The following FGF12 variants were observed in gnomAD, a reference collection of about 807,000 sequenced individuals.
The protein encoded by FGF12 is fibroblast growth factor 12.
Under a neutral mutation model 23.6 loss-of-function variants are expected in FGF12, and 14 were observed. That is an observed-to-expected ratio of 0.59 (90% CI 0.39 to 0.93). The LOEUF is 0.93. FGF12 is among the 40% of genes least tolerant of loss of function. The probability of loss-of-function intolerance (pLI) is 0.00; values close to 1 mark genes in which losing one functional copy is unlikely to be tolerated. For missense variants in FGF12, 175 were observed against 217.8 expected (o/e 0.80, Z 1.24); for synonymous variants, 62 against 77.3 (o/e 0.80, Z 1.04).
At chr3:192,224,246 G>A (rs1372344169) in intron 4 of FGF12, among the ~76,000 whole-genome samples, 4 of 152,028 alleles carry the variant, frequency 2.6e-5, no homozygotes, top group Non-Finnish European at 4.4e-5. Context: ...TGATGATAGT[G>A]GTGATGATGA....
At chr3:192,717,413 T>A (rs1176446655) in intron 2 of FGF12, among the ~76,000 whole-genome samples, 2 of 152,144 alleles carry the variant, frequency 1.3e-5, no homozygotes, top group African/African-American at 2.4e-5. Flanking sequence ...TGCCTAAACA[T>A]AGTAAAAGCT....
intron 4 of FGF12, among the ~76,000 whole-genome samples, chr3:192,250,906 A>G (rs1295684312): frequency 6.6e-6 from 1 of 152,180 alleles, no homozygotes; most frequent in Admixed American, 6.5e-5. Context: ...CCCTTCCAGA[A>G]AGAGAATAGA....
rs1353080303 is a variant in FGF12 at position 192,561,907 on chromosome 3, TAAAGAAAA to T, written c.13+165266_13+165273del. ...CATGGCAAAATAATAATAATAATAA[TAAAGAAAA>T]AAAGAAAGAAAAAAAAAAGAAAATG... On this transcript the variant is annotated intron_variant, in intron 2 of 5. Coordinates refer to ENST00000445105, the MANE Select transcript of FGF12 (RefSeq NM_004113.6). Among the ~76,000 whole-genome samples the T allele has an allele frequency of 2.9e-5, 4 of 139,422 alleles. No homozygotes were observed. The East Asian group carries it at 6.1e-4, about 21-fold the overall frequency. The allele number at this position is 139,422 out of a possible 152,430, so 91.5% of individuals were successfully genotyped here.
chr3:192,305,679 A>AATATATATATATATATAT (rs1241285508), intron 4 of FGF12, among the ~76,000 whole-genome samples: 11 of 131,924 alleles, frequency 8.3e-5, no homozygotes, highest in South Asian at 5.2e-4. Flanking sequence ...AAAAAAAAAA[A>AATATATATATATATATAT]ATATATATAT....
At chr3:192,250,304 G>T (rs2108605586) in intron 4 of FGF12, among the ~76,000 whole-genome samples, 1 of 152,222 alleles carries the variant, frequency 6.6e-6, no homozygotes, top group African/African-American at 2.4e-5. Context: ...TTAATCATTA[G>T]CTAGTTAAGT....
intron 2 of FGF12, among the ~76,000 whole-genome samples, chr3:192,423,140 G>A (rs1265303628): frequency 6.6e-6 from 1 of 152,100 alleles, no homozygotes. Flanking sequence ...ACTTAATCCT[G>A]CTTCTGAAGC....
At chr3:192,387,012 T>C (rs1720074362) in intron 2 of FGF12, among the ~76,000 whole-genome samples, 1 of 152,210 alleles carries the variant, frequency 6.6e-6, no homozygotes, top group African/African-American at 2.4e-5. Context: ...CATTGTACAA[T>C]ATAAATAACA....
At chr3:192,568,843 T>C (rs1712464369) in intron 2 of FGF12, among the ~76,000 whole-genome samples, 1 of 152,068 alleles carries the variant, frequency 6.6e-6, no homozygotes, top group Non-Finnish European at 1.5e-5. Context: ...TTTGCATACA[T>C]GAGCATAGAG....
chr3:192,415,499 G>A (rs1338544969), intron 2 of FGF12, among the ~76,000 whole-genome samples: 2 of 152,050 alleles, frequency 1.3e-5, no homozygotes, highest in Non-Finnish European at 2.9e-5. Context: ...CCAAAGTGAA[G>A]AATGGGGTAT....
chr3:192,172,773 A>C (rs1160602879), intron 4 of FGF12, among the ~76,000 whole-genome samples: 4 of 150,942 alleles, frequency 2.7e-5, no homozygotes, highest in Non-Finnish European at 5.9e-5. Flanking sequence ...CACACAATCC[A>C]AAAATTCCAC....
intron 2 of FGF12, among the ~76,000 whole-genome samples, chr3:192,552,977 GAA>G (rs1179596727): frequency 2.0e-5 from 3 of 152,074 alleles, no homozygotes; most frequent in African/African-American, 7.2e-5. Context: ...GTAAAGTACT[GAA>G]AGTTTTTTAA....
chr3:192,453,618 TG>T (rs1722591008), intron 2 of FGF12, among the ~76,000 whole-genome samples: 1 of 152,192 alleles, frequency 6.6e-6, no homozygotes, highest in African/African-American at 2.4e-5. Context: ...TGATTAACTA[TG>T]TTTGCTTTCC....
chr3:192,344,705 T>G (rs1717867351), intron 3 of FGF12, among the ~76,000 whole-genome samples: 1 of 152,198 alleles, frequency 6.6e-6, no homozygotes, highest in Admixed American at 6.5e-5. Context: ...GATAAGGTAG[T>G]AGAAATATTT....
In FGF12 at chr3:192,360,421, T is replaced by C; in HGVS notation, c.124+7A>G. Reference sequence around the variant, plus strand: ...TAATCAGATTGTAAGAAGCTAATGTTTCTTACTGTAGTCGCTGTTTTCGTC... The same window carrying C: ...TAATCAGATTGTAAGAAGCTAATGTCTCTTACTGTAGTCGCTGTTTTCGTC... On this transcript the variant is annotated splice_region_variant and intron_variant, in intron 3 of 5. Transcript: ENST00000445105. The surrounding 1 kb of genome is among the most constrained non-coding windows in gnomAD (Gnocchi z 4.3). The C allele has an allele frequency of 6.3e-7, 1 of 1,578,708 alleles. No homozygotes were observed.
chr3:192,405,839 G>A (rs991630080), intron 2 of FGF12, among the ~76,000 whole-genome samples: 1 of 152,166 alleles, frequency 6.6e-6, no homozygotes, highest in Non-Finnish European at 1.5e-5. Context: ...GAAGATAATA[G>A]CACACTATCA....
At chr3:192,198,159 A>G (rs1717175588) in intron 4 of FGF12, among the ~76,000 whole-genome samples, 1 of 152,172 alleles carries the variant, frequency 6.6e-6, no homozygotes, top group East Asian at 1.9e-4. Context: ...AGAGCTGAGT[A>G]TTTTGTATTC....
At chr3:192,277,173 G>A (rs887856775) in intron 4 of FGF12, among the ~76,000 whole-genome samples, 2 of 152,026 alleles carry the variant, frequency 1.3e-5, no homozygotes, top group African/African-American at 2.4e-5. Context: ...CTCTTAGCCC[G>A]TATACTCTCC....
chr3:192,513,254 T>G (rs573673859), intron 2 of FGF12, among the ~76,000 whole-genome samples: 1 of 152,256 alleles, frequency 6.6e-6, no homozygotes, highest in Non-Finnish European at 1.5e-5. Flanking sequence ...CACGAAACTT[T>G]AACATAAAGC....
chr3:192,158,358 CTTT>C lies in FGF12; in HGVS notation c.427+12097_427+12099del, dbSNP rs1560171362. ...TCTTTCTTTCTTTCTTTCTTTCTTT[CTTT>C]CTTTCTTTCTTTCTTTCTTTCTTTT... On this transcript the variant is annotated intron_variant, in intron 5 of 5. Coordinates refer to ENST00000445105, the MANE Select transcript of FGF12 (RefSeq NM_004113.6). Among the ~76,000 whole-genome samples, 506 of 110,924 alleles carry C rather than the reference CTTT, an allele frequency of 4.6e-3. 6 individuals carry two copies. Among genetic ancestry groups the C allele is most frequent in the African/African-American group, 0.015 (398 of 26,116 alleles). 72.8% of individuals were successfully genotyped at this position (110,924 alleles called of 152,430 possible).
Sources: allele counts gnomAD v4.1 joint callset (sites outside exome capture counted in the v4.1 genomes callset), GRCh38; gene constraint gnomAD v4.1.1; non-coding constraint Gnocchi (gnomAD v3.1); transcripts MANE v1.5; gene names NCBI Gene and HGNC (gene_info 2026-07-23, HGNC 2026-07-21).